The following TRAPPC9 variants were observed in gnomAD, a reference collection of about 807,000 sequenced individuals.
The protein encoded by TRAPPC9 is IKK2 binding protein.
TRAPPC9 carries 83 observed loss-of-function variants against 124.0 expected under a neutral mutation model. The observed-to-expected ratio is 0.67, with a 90% CI of 0.56 to 0.80. TRAPPC9 has a LOEUF of 0.80. Ranked by LOEUF, TRAPPC9 falls within the 30% of genes least tolerant of loss-of-function variation. TRAPPC9 has a pLI of 0.00. For missense variants in TRAPPC9, 1,302 were observed against 1,508.3 expected, an observed-to-expected ratio of 0.86 and a Z score of 2.27; for synonymous variants, 638 against 617.5, an observed-to-expected ratio of 1.03 and a Z score of -0.49.
chr8:140,291,278 T>G, intron 11 of TRAPPC9, 200 bp from the exon 12 acceptor site: 1 of 643,704 alleles, frequency 1.6e-6, no homozygotes, highest in Non-Finnish European at 2.8e-6. Context: ...CACTGGCACT[T>G]TGATGCCACA....
intron 17 of TRAPPC9, among the ~76,000 whole-genome samples, chr8:140,210,951 C>A (rs2063048526): frequency 6.6e-6 from 1 of 152,114 alleles, no homozygotes; most frequent in Non-Finnish European, 1.5e-5. Context: ...CTCGTGGAAA[C>A]CATTTTTAAT....
chr8:140,095,239 G>A (rs1844856857), intron 17 of TRAPPC9: 1 of 152,242 alleles, frequency 6.6e-6, no homozygotes, highest in African/African-American at 2.4e-5. Context: ...GCTGGTGCGT[G>A]AATGAGCTGA....
Position 139,770,187 on chromosome 8 carries a change from T to A in TRAPPC9, c.3056-37985A>T, listed in dbSNP as rs575608988. On this transcript the variant is annotated intron_variant, in intron 21 of 22. Transcript: ENST00000438773. ...GGCACCCACAGCGCTGCCAGCCCGT[T>A]ACTCCTGGCAGCCTGGCTCAGAGGG... Among the ~76,000 whole-genome samples, 5 of 152,326 alleles carry A rather than the reference T, an allele frequency of 3.3e-5. No homozygotes were observed. In the South Asian group the frequency reaches 1.0e-3, roughly 32 times the overall value.
chr8:139,731,317 A>G (rs1817807255), intron 22 of TRAPPC9, 89 bp from the exon 23 acceptor site: 6 of 1,513,820 alleles, frequency 4.0e-6, no homozygotes, highest in Non-Finnish European at 5.4e-6. Flanking sequence ...GCCTGGACAT[A>G]GGTGTTATGG....
chr8:139,759,873 C>T lies in TRAPPC9; in HGVS notation c.3056-27671G>A, dbSNP rs561728621. Reference sequence around the variant, plus strand: ...CCAGGGCAGCGCAGCCTGCCGGCAGCCAGCACCATCACTGTCTCCAAGACA... The same window carrying T: ...CCAGGGCAGCGCAGCCTGCCGGCAGTCAGCACCATCACTGTCTCCAAGACA... On this transcript the variant is annotated intron_variant, in intron 21 of 22. Transcript: ENST00000438773. 1.6e-4 allele frequency among the ~76,000 whole-genome samples: 25 copies of T among 152,300 alleles called. 3 individuals carry two copies. In the South Asian group the frequency reaches 5.0e-3, roughly 30 times the overall value.
chr8:140,439,263 A>T, intron 2 of TRAPPC9, 66 bp from the exon 3 acceptor site: 3 of 1,564,066 alleles, frequency 1.9e-6, no homozygotes, highest in Non-Finnish European at 2.6e-6. Context: ...ACTCTGACTA[A>T]GCACTATTCA....
chr8:140,270,479 C>G (rs1296109953), intron 15 of TRAPPC9, among the ~76,000 whole-genome samples: 1 of 152,172 alleles, frequency 6.6e-6, no homozygotes. Context: ...TGTGCCAGGC[C>G]CTGGAAATAG....
chr8:139,883,811 G>C (rs1311344296), intron 21 of TRAPPC9, among the ~76,000 whole-genome samples: 1 of 152,206 alleles, frequency 6.6e-6, no homozygotes, highest in African/African-American at 2.4e-5. Flanking sequence ...CTGTAACGCA[G>C]TGCTCCCGGC....
At chr8:139,857,252 G>A (rs533671438) in intron 21 of TRAPPC9, among the ~76,000 whole-genome samples, 15 of 152,174 alleles carry the variant, frequency 9.9e-5, no homozygotes, top group Non-Finnish European at 4.4e-5. Flanking sequence ...GCCTGGTATC[G>A]CAGGACACAC....
chr8:139,880,388 G>A (rs367653235), intron 21 of TRAPPC9, among the ~76,000 whole-genome samples: 76 of 152,240 alleles, frequency 5.0e-4, no homozygotes, highest in African/African-American at 1.6e-3. Context: ...CTGTAGCATT[G>A]GGGAGGGGGC....
intron 15 of TRAPPC9, among the ~76,000 whole-genome samples, chr8:140,256,555 G>T (rs776069970): frequency 6.6e-6 from 1 of 152,096 alleles, no homozygotes; most frequent in African/African-American, 2.4e-5. Context: ...ACCTGCTTCC[G>T]CTTGGTTGCC....
intron 17 of TRAPPC9, among the ~76,000 whole-genome samples, chr8:140,053,642 T>A (rs1484059446): frequency 1.3e-5 from 2 of 152,214 alleles, no homozygotes; most frequent in Non-Finnish European, 2.9e-5. Context: ...TGTTATCCAT[T>A]CTTGAAAGTG....
Position 140,087,829 on chromosome 8 carries a change from C to T in TRAPPC9, c.2557-63750G>A, listed in dbSNP as rs559336862. ...GACGAGCAACCGCACCATTCCCTGG[C>T]TCTCTCCTGCAGCTTGTCGCCGCCA... On this transcript the variant is annotated intron_variant, in intron 17 of 22. Transcript: ENST00000438773. This position sits in a 1 kb window ranked among gnomAD's most constrained non-coding sequence, Gnocchi z 4.6. Among the ~76,000 whole-genome samples the T allele has an allele frequency of 1.1e-3, 163 of 152,222 alleles. 1 individual carries two copies. The highest frequency in any genetic ancestry group is 3.7e-3 in the African/African-American group (153 of 41,514).
intron 21 of TRAPPC9, among the ~76,000 whole-genome samples, chr8:139,738,101 G>A (rs1281640541): frequency 6.6e-6 from 1 of 152,208 alleles, no homozygotes; most frequent in Non-Finnish European, 1.5e-5. Context: ...GGCAGACCCA[G>A]GGCCTCTGGG....
rs752336376 is a variant in TRAPPC9, at chr8:140,252,971, A to C, written c.2279-42T>G. 3.1e-6 allele frequency: 5 copies of C among 1,602,196 alleles called. No homozygotes were observed. Among genetic ancestry groups the C allele is most frequent in the Non-Finnish European group, 4.3e-6 (5 of 1,171,024 alleles). On this transcript the variant is annotated intron_variant, in intron 15 of 22. Transcript: ENST00000438773. This position sits in a 1 kb window ranked among gnomAD's most constrained non-coding sequence, Gnocchi z 4.2. ...GACAGTGATGAGGATGCTGTAACTG[A>C]GGCAGTATGGGACTTACCAATCCCC...
At chr8:139,987,080 G>A (rs1251551338) in intron 19 of TRAPPC9, among the ~76,000 whole-genome samples, 7 of 152,184 alleles carry the variant, frequency 4.6e-5, no homozygotes, top group Admixed American at 6.5e-5. Flanking sequence ...TGCAAGTGCT[G>A]TTCTGTGTAT....
chr8:140,301,250 T>C (rs191423667), intron 10 of TRAPPC9, among the ~76,000 whole-genome samples: 38 of 152,348 alleles, frequency 2.5e-4, no homozygotes, highest in Admixed American at 2.3e-3. Flanking sequence ...GTATCCCAGC[T>C]GTGGATGTCT....
At chr8:140,382,724 CCTCT>C (rs941128569) in intron 7 of TRAPPC9, among the ~76,000 whole-genome samples, 1 of 152,216 alleles carries the variant, frequency 6.6e-6, no homozygotes, top group Admixed American at 6.5e-5. Context: ...GTAGACTCCA[CCTCT>C]GGGGACAGGG....
intron 20 of TRAPPC9, among the ~76,000 whole-genome samples, chr8:139,892,990 T>C (rs1010679228): frequency 1.3e-5 from 2 of 152,214 alleles, no homozygotes; most frequent in African/African-American, 4.8e-5. Context: ...CAGTGCCCGT[T>C]CTGCAGGTGG....
Sources: allele counts gnomAD v4.1 joint callset (sites outside exome capture counted in the v4.1 genomes callset), GRCh38; gene constraint gnomAD v4.1.1; non-coding constraint Gnocchi (gnomAD v3.1); transcripts MANE v1.5; gene names NCBI Gene and HGNC (gene_info 2026-07-23, HGNC 2026-07-21).